CCSER1: variants seen among roughly 807,000 people sequenced by gnomAD.
The protein encoded by CCSER1 is coiled-coil serine rich protein 1.
CCSER1 carries 41 observed loss-of-function variants against 82.0 expected under a neutral mutation model. The observed-to-expected ratio is 0.50, with a 90% CI of 0.39 to 0.65. The LOEUF (loss-of-function observed/expected upper bound fraction) is 0.65, where lower values mean the gene tolerates loss of function less well. Ranked by LOEUF, CCSER1 falls within the 30% of genes least tolerant of loss-of-function variation. The pLI is 0.00. For synonymous variants in CCSER1, 414 were observed against 383.9 expected, an observed-to-expected ratio of 1.08 and a Z score of -0.92; for missense variants, 1,119 against 1,064.2, an observed-to-expected ratio of 1.05 and a Z score of -0.72.
intron 8 of CCSER1, among the ~76,000 whole-genome samples, chr4:90,867,276 A>G (rs1054640307): frequency 6.6e-6 from 1 of 152,060 alleles, no homozygotes; most frequent in African/African-American, 2.4e-5. Flanking sequence ...TCTTAAAACA[A>G]CAGCTCCACA....
Position 90,302,809 on chromosome 4 carries a change from CA to C in CCSER1, c.-41-5431del, listed in dbSNP as rs146633542. On this transcript the variant is annotated intron_variant, in intron 1 of 10. Coordinates refer to ENST00000509176, the MANE Select transcript of CCSER1 (RefSeq NM_001145065.2). ...CAGAGCAAGACCTTGTCTCCAAAAACAAAACAAAACAAAACAAAACAAAAAG... is the reference window on the plus strand; with the variant it reads ...CAGAGCAAGACCTTGTCTCCAAAAACAAACAAAACAAAACAAAACAAAAAG... 5.6e-3 allele frequency among the ~76,000 whole-genome samples: 846 copies of C among 150,382 alleles called. 8 individuals are homozygous for C. Among genetic ancestry groups the C allele is most frequent in the African/African-American group, 0.02 (821 of 40,682 alleles).
chr4:90,645,094 A>G (rs1727293289), intron 6 of CCSER1, among the ~76,000 whole-genome samples: 1 of 151,968 alleles, frequency 6.6e-6, no homozygotes, highest in East Asian at 1.9e-4. Flanking sequence ...AAAAAAAAAA[A>G]AAGAAAAAAA....
At chr4:91,255,956 C>T (rs1740646057) in intron 10 of CCSER1, among the ~76,000 whole-genome samples, 1 of 152,088 alleles carries the variant, frequency 6.6e-6, no homozygotes, top group South Asian at 2.1e-4. Flanking sequence ...GAAAAAGGAA[C>T]AGGATAACAG....
At chr4:90,446,922 T>C (rs867504085) in intron 4 of CCSER1, among the ~76,000 whole-genome samples, 1 of 152,176 alleles carries the variant, frequency 6.6e-6, no homozygotes, top group African/African-American at 2.4e-5. Context: ...TCCTTATGAT[T>C]TTCTTCTTAA....
chr4:90,355,044 A>C (rs2153514796), intron 3 of CCSER1, among the ~76,000 whole-genome samples: 1 of 152,212 alleles, frequency 6.6e-6, no homozygotes, highest in East Asian at 1.9e-4. Flanking sequence ...ACTAAAAAAG[A>C]GTATTTGAGC....
At chr4:90,780,613 C>G (rs980746497) in intron 7 of CCSER1, 30 of 1,438,212 alleles carry the variant, frequency 2.1e-5, no homozygotes, top group Non-Finnish European at 2.5e-5. Context: ...AGGCAAAGGA[C>G]AGTAGGCTTT....
intron 10 of CCSER1, among the ~76,000 whole-genome samples, chr4:91,140,871 C>T (rs879848596): frequency 2.6e-5 from 4 of 151,992 alleles, no homozygotes; most frequent in Non-Finnish European, 4.4e-5. Flanking sequence ...GCATATATTG[C>T]ACAATGCTGA....
intron 10 of CCSER1, among the ~76,000 whole-genome samples, chr4:91,283,955 A>C (rs1313228376): frequency 6.6e-6 from 1 of 152,036 alleles, no homozygotes; most frequent in East Asian, 1.9e-4. Context: ...GTCAATATGC[A>C]ATCCCCAGTG....
chr4:91,210,728 A>C (rs1736747789), intron 10 of CCSER1, among the ~76,000 whole-genome samples: 1 of 151,974 alleles, frequency 6.6e-6, no homozygotes, highest in East Asian at 1.9e-4. Context: ...AATGACAATT[A>C]TATGCACTAC....
At chr4:90,788,628 A>G (rs1318433928) in intron 7 of CCSER1, among the ~76,000 whole-genome samples, 1 of 152,040 alleles carries the variant, frequency 6.6e-6, no homozygotes, top group Non-Finnish European at 1.5e-5. Context: ...TCCCTCCAGT[A>G]TTTTCTCTTT....
chr4:90,477,434 A>G (rs1412498237), intron 5 of CCSER1, among the ~76,000 whole-genome samples: 2 of 152,222 alleles, frequency 1.3e-5, no homozygotes, highest in Non-Finnish European at 2.9e-5. Flanking sequence ...TAAAGCAGGT[A>G]GAATCATGCT....
chr4:90,229,052 A>G (rs1442129488), intron 1 of CCSER1, among the ~76,000 whole-genome samples: 2 of 152,218 alleles, frequency 1.3e-5, no homozygotes, highest in East Asian at 1.9e-4. Flanking sequence ...ACTCTGCAGG[A>G]TGTCATCCAG....
intron 1 of CCSER1, among the ~76,000 whole-genome samples, chr4:90,170,665 T>C (rs1474158938): frequency 6.6e-6 from 1 of 151,930 alleles, no homozygotes; most frequent in Admixed American, 6.6e-5. Flanking sequence ...CATAATGACC[T>C]CTAGTTCCGT....
intron 8 of CCSER1, among the ~76,000 whole-genome samples, chr4:90,823,908 T>A (rs1760102475): frequency 6.6e-6 from 1 of 152,020 alleles, no homozygotes; most frequent in Non-Finnish European, 1.5e-5. Context: ...CTTTTTGACA[T>A]ATAGTTTACA....
At chr4:90,551,030 T>C (rs1320940685) in intron 5 of CCSER1, among the ~76,000 whole-genome samples, 1 of 152,190 alleles carries the variant, frequency 6.6e-6, no homozygotes, top group Non-Finnish European at 1.5e-5. Context: ...CTCCCCTCTA[T>C]TCTACCTAGC....
intron 9 of CCSER1, among the ~76,000 whole-genome samples, chr4:90,929,677 T>C (rs1185341520): frequency 6.6e-6 from 1 of 152,196 alleles, no homozygotes; most frequent in East Asian, 1.9e-4. Context: ...AGATGTCATC[T>C]ATGAAAGTTC....
chr4:90,642,470 A>T (rs1726718258), intron 6 of CCSER1: 1 of 152,186 alleles, frequency 6.6e-6, no homozygotes, highest in African/African-American at 2.4e-5. Flanking sequence ...AACTTGTGGA[A>T]ATTGATGGAC....
At chr4:91,451,460 T>A (rs1490652458) in intron 10 of CCSER1, among the ~76,000 whole-genome samples, 1 of 151,856 alleles carries the variant, frequency 6.6e-6, no homozygotes, top group Non-Finnish European at 1.5e-5. Context: ...AAGAAAAAAG[T>A]CCAGCACCCA....
At chr4:91,006,693 A>G (rs931300087) in intron 9 of CCSER1, among the ~76,000 whole-genome samples, 1 of 151,624 alleles carries the variant, frequency 6.6e-6, no homozygotes, top group African/African-American at 2.4e-5. Context: ...GGGTTTCATC[A>G]TGTTAGCCAG....
Sources: allele counts gnomAD v4.1 joint callset (sites outside exome capture counted in the v4.1 genomes callset), GRCh38; gene constraint gnomAD v4.1.1; transcripts MANE v1.5; gene names NCBI Gene and HGNC (gene_info 2026-07-23, HGNC 2026-07-21).